Variants in EBAG9 observed in about 807,000 individuals in gnomAD.
The protein encoded by EBAG9 is estrogen receptor binding site associated antigen 9, also known as receptor-binding cancer antigen expressed on SiSo cells.
EBAG9 carries 16 observed loss-of-function variants against 30.9 expected under a neutral mutation model. That is an observed-to-expected ratio of 0.52 (90% confidence interval 0.35 to 0.79). The LOEUF (loss-of-function observed/expected upper bound fraction) is 0.79. Among genes scored for constraint, EBAG9 ranks in the 30% least tolerant of loss-of-function variants. The probability of loss-of-function intolerance (pLI) is 0.01; values close to 1 mark genes in which losing one functional copy is unlikely to be tolerated. For missense variants in EBAG9, 197 were observed against 242.1 expected (o/e 0.81, Z 1.24); for synonymous variants, 93 against 82.8 (o/e 1.12, Z -0.67).
chr8:109,555,481 A>G (rs1005429872), intron 4 of EBAG9, among the ~76,000 whole-genome samples: 22 of 152,158 alleles, frequency 1.4e-4, no homozygotes, highest in African/African-American at 5.3e-4. Context: ...TTGTACCCCA[A>G]GTCTTTTAAA....
intron 1 of EBAG9, chr8:109,550,221 A>G (rs1410505195): frequency 1.3e-5 from 2 of 152,146 alleles, no homozygotes; most frequent in Non-Finnish European, 2.9e-5. Flanking sequence ...GCCCCTCAGA[A>G]TATATGATTT....
intron 4 of EBAG9, among the ~76,000 whole-genome samples, chr8:109,555,203 A>G (rs1360600888): frequency 6.6e-6 from 1 of 150,482 alleles, no homozygotes; most frequent in Non-Finnish European, 1.5e-5. Context: ...CTCATTGTTC[A>G]GTTCCCACCT....
At chr8:109,561,004 G>C in intron 6 of EBAG9, 75 bp downstream of exon 6, 1 of 1,307,428 alleles carries the variant, frequency 7.6e-7, no homozygotes, top group Non-Finnish European at 1.1e-6. Context: ...CAAGTCAAGG[G>C]AGCCTATTTT....
chr8:109,551,730 C>T (rs751579454), intron 2 of EBAG9, among the ~76,000 whole-genome samples: 15 of 152,094 alleles, frequency 9.9e-5, no homozygotes, highest in Admixed American at 5.2e-4. Context: ...TAATTAAAAG[C>T]GAGTACTGCA....
In EBAG9 at chr8:109,545,440, C is replaced by T. The variant is rs1315882299; in HGVS notation, c.-16+4979C>T. ...GTGCAGTCATGTGATCTCAGCTCAC[C>T]GCAACCTCCGCCTCCCAGGGTTCAA... On this transcript the variant is annotated intron_variant, in intron 1 of 6. Coordinates refer to ENST00000337573, the MANE Select transcript of EBAG9 (RefSeq NM_004215.5). 2.5e-4 allele frequency among the ~76,000 whole-genome samples: 5 copies of T among 19,698 alleles called. No homozygotes were observed. In the East Asian group the frequency reaches 4.9e-3, roughly 19 times the overall value. The allele number at this position is 19,698 out of a possible 152,430, so 12.9% of individuals were successfully genotyped here.
At chr8:109,555,189 T>C (rs1821574146) in intron 4 of EBAG9, among the ~76,000 whole-genome samples, 1 of 151,964 alleles carries the variant, frequency 6.6e-6, no homozygotes, top group African/African-American at 2.4e-5. Context: ...TATGTCCATG[T>C]GTTCTCATTG....
At position 109,564,486 on chromosome 8, in the gene EBAG9, G is replaced by A. The variant is rs925318199; in HGVS notation, c.569G>A (p.Arg190Lys). Residue 190 changes from arginine (R) to lysine (K), a missense_variant, in exon 7 of 7, where the codon AGG (arginine) becomes AAG (lysine). Transcript: ENST00000337573. ...DREKRAAEQQ[R>K]KKMEKEAQRL... ...GAAAAGAGAGCAGCCGAACAACAAA[G>A]GAAGAAAATGGAAAAGGAAGCACAA... 4 of 1,612,682 alleles carry A rather than the reference G, an allele frequency of 2.5e-6. No individual in the cohort carries two copies. The highest frequency in any genetic ancestry group is 3.3e-5 in the Admixed American group (2 of 59,914).
upstream of EBAG9, chr8:109,539,882 G>C (rs2131089861): frequency 6.6e-6 from 1 of 152,398 alleles, no homozygotes; most frequent in East Asian, 1.9e-4. Context: ...GCGGCAGCTC[G>C]GAGCCTCCGC....
chr8:109,556,612 A>G (rs958978589), intron 4 of EBAG9, among the ~76,000 whole-genome samples: 4 of 152,254 alleles, frequency 2.6e-5, no homozygotes, highest in East Asian at 3.9e-4. Flanking sequence ...TGTTAATACT[A>G]TTGGCAGGAT....
chr8:109,550,623 C>T (rs967142385), intron 1 of EBAG9, 187 bp from the exon 2 acceptor site: 4 of 461,240 alleles, frequency 8.7e-6, no homozygotes, highest in African/African-American at 4.1e-5. Flanking sequence ...ATTGAAAACT[C>T]GAAAACCTGG....
chr8:109,556,334 T>G lies in EBAG9; in HGVS notation c.322-601T>G, dbSNP rs1821597796. 2.0e-5 allele frequency among the ~76,000 whole-genome samples: 3 copies of G among 152,102 alleles called. No individual in the cohort carries two copies. In the South Asian group the frequency reaches 6.2e-4, roughly 31 times the overall value. On this transcript the variant is annotated intron_variant, in intron 4 of 6. Transcript: ENST00000337573. Reference sequence around the variant, plus strand: ...AACATTTACATTCTTTGTTGTTGAGTTGTCCAAATGTCTCAATGCTAAAAC... The same window carrying G: ...AACATTTACATTCTTTGTTGTTGAGGTGTCCAAATGTCTCAATGCTAAAAC...
intron 5 of EBAG9, among the ~76,000 whole-genome samples, chr8:109,559,229 G>A (rs1029707434): frequency 6.6e-6 from 1 of 152,074 alleles, no homozygotes; most frequent in Admixed American, 6.5e-5. Flanking sequence ...GGCCAAGGCG[G>A]GCAGGTCACT....
At chr8:109,554,538 A>C (rs1821557375) in intron 3 of EBAG9, among the ~76,000 whole-genome samples, 191 bp from the exon 4 acceptor site, 1 of 152,184 alleles carries the variant, frequency 6.6e-6, no homozygotes, top group African/African-American at 2.4e-5. Context: ...AGAACAGAAT[A>C]TATCAGAATG....
intron 6 of EBAG9, among the ~76,000 whole-genome samples, chr8:109,562,256 A>G (rs1191101189): frequency 6.6e-6 from 1 of 152,104 alleles, no homozygotes; most frequent in Non-Finnish European, 1.5e-5. Context: ...ATGAGTTCAC[A>G]AGTATCTTAA....
rs753708916 is a variant in EBAG9 at position 109,554,776 on chromosome 8, T to G, written c.210T>G (p.Ser70Arg). Residue 70 changes from serine (S) to arginine (R), a missense_variant, in exon 4 of 7, where the codon AGT (serine) becomes AGG (arginine). Physicochemically the swap from Ser to Arg is moderately radical, Grantham distance 110. Coordinates refer to ENST00000337573, the MANE Select transcript of EBAG9 (RefSeq NM_004215.5). The stretch of plus-strand genomic sequence containing the variant: ...CCTGGGATGAAGATGCACCCACCAG[T>G]GTAAAGATCGAAGGAGGGAATGGGA... ...WTSWDEDAPTSVKIEGGNGNV... is the reference protein window; with the variant it reads ...WTSWDEDAPTRVKIEGGNGNV... 2 of 1,613,684 alleles carry G rather than the reference T, an allele frequency of 1.2e-6. No homozygotes were observed. The highest frequency in any genetic ancestry group is 1.7e-5 in the Admixed American group (1 of 59,976).
intron 6 of EBAG9, chr8:109,563,644 G>A: frequency 8.8e-7 from 1 of 1,138,076 alleles, no homozygotes; most frequent in Non-Finnish European, 1.2e-6. Flanking sequence ...TGTTACACAG[G>A]TAAACATGTG....
chr8:109,542,229 A>T (rs537507536), intron 1 of EBAG9, among the ~76,000 whole-genome samples: 2 of 152,164 alleles, frequency 1.3e-5, no homozygotes, highest in East Asian at 3.9e-4. Flanking sequence ...GATATTCTTG[A>T]TTGCTAGGGA....
chr8:109,554,735 G>A lies in EBAG9; in HGVS notation c.169G>A (p.Val57Ile), dbSNP rs1215415897. 2 of 1,612,882 alleles carry A rather than the reference G, an allele frequency of 1.2e-6. No homozygotes were observed. The highest frequency in any genetic ancestry group is 1.3e-5 in the African/African-American group (1 of 74,850). Residue 57 changes from valine to isoleucine, a missense_variant, in exon 4 of 7, where the codon GTT (valine) becomes ATT (isoleucine). By Grantham distance (29) the Val-to-Ile change is conservative. Transcript: ENST00000337573. The part of the protein sequence containing the change: ...DYSSVPKQTD[V>I]EEWTSWDEDA... ...GTTGATCAATTAAATTTAGACAGATGTTGAAGAGTGGACTTCCTGGGATGA... is the reference window on the plus strand; with the variant it reads ...GTTGATCAATTAAATTTAGACAGATATTGAAGAGTGGACTTCCTGGGATGA...
At chr8:109,560,083 T>C (rs781142188) in intron 5 of EBAG9, among the ~76,000 whole-genome samples, 4 of 152,150 alleles carry the variant, frequency 2.6e-5, no homozygotes, top group Admixed American at 1.3e-4. Context: ...AATAAATGTG[T>C]TCACAGATTG....
Sources: gnomAD v4.1 joint callset for allele counts (sites outside exome capture counted in the v4.1 genomes callset) on GRCh38, gnomAD v4.1.1 for gene constraint, MANE v1.5 for transcripts, NCBI Gene and HGNC (gene_info 2026-07-23, HGNC 2026-07-21) for gene names.